Variants in ZFAND6 observed in about 807,000 individuals in gnomAD.
ZFAND6 encodes the protein AN1-type zinc finger protein 6.
Under a neutral mutation model 24.5 loss-of-function variants are expected in ZFAND6, and 12 were observed. The ratio of observed to expected loss-of-function variants is 0.49; its 90% CI spans 0.31 to 0.79. ZFAND6 has a LOEUF of 0.79. Among genes scored for constraint, ZFAND6 ranks in the 30% least tolerant of loss-of-function variants. The pLI is 0.04. For synonymous variants in ZFAND6, 92 were observed against 81.5 expected (o/e 1.13, Z -0.69); for missense variants, 207 against 245.9 (o/e 0.84, Z 1.06).
intron 2 of ZFAND6, among the ~76,000 whole-genome samples, chr15:80,105,109 T>C (rs2039250666): frequency 1.3e-5 from 2 of 152,220 alleles, no homozygotes; most frequent in South Asian, 4.1e-4. Context: ...TCCTGTAGTC[T>C]AGGCACACAG....
chr15:80,059,453 A>G (rs1448553959), upstream of ZFAND6: 1 of 152,232 alleles, frequency 6.6e-6, no homozygotes, highest in African/African-American at 2.4e-5. Context: ...GCGGAGGAGC[A>G]TCTCCTTTCG....
chr15:80,061,763 T>G (rs958818082), intron 1 of ZFAND6, among the ~76,000 whole-genome samples: 1 of 152,198 alleles, frequency 6.6e-6, no homozygotes, highest in Non-Finnish European at 1.5e-5. Context: ...ATTTCTTGTT[T>G]CCGGCTCTTG....
intron 1 of ZFAND6, among the ~76,000 whole-genome samples, chr15:80,085,219 G>A (rs1345976158): frequency 2.0e-5 from 3 of 152,022 alleles, no homozygotes; most frequent in Non-Finnish European, 4.4e-5. Context: ...TTTCTCCATC[G>A]TTCTTTCACG....
At position 80,132,284 on chromosome 15, in the gene ZFAND6, T is replaced by C. The variant is rs540017290; in HGVS notation, c.478+991T>C. On this transcript the variant is annotated intron_variant, in intron 6 of 6. Transcript: ENST00000261749. ...AATATATTTTTTTAATTAAGAAGAG[T>C]TAGGCATGTCTTGAATGTGTAAAAC... 2.6e-5 allele frequency among the ~76,000 whole-genome samples: 4 copies of C among 152,192 alleles called. No individual in the cohort carries two copies. In the South Asian group the frequency reaches 8.3e-4, roughly 32 times the overall value.
chr15:80,083,652 TA>T (rs1406347401), intron 1 of ZFAND6, among the ~76,000 whole-genome samples: 2 of 152,138 alleles, frequency 1.3e-5, no homozygotes, highest in African/African-American at 4.8e-5. Context: ...CTCATGCCTG[TA>T]ATCCCAGCAC....
chr15:80,110,972 C>A (rs1432573683), intron 2 of ZFAND6, among the ~76,000 whole-genome samples: 1 of 152,158 alleles, frequency 6.6e-6, no homozygotes, highest in Non-Finnish European at 1.5e-5. Flanking sequence ...ATGAAATGGT[C>A]TTCCTGCAAG....
At chr15:80,127,192 A>C (rs938584474) in intron 5 of ZFAND6, among the ~76,000 whole-genome samples, 9 of 152,190 alleles carry the variant, frequency 5.9e-5, no homozygotes, top group Non-Finnish European at 1.3e-4. Context: ...TATATAAATA[A>C]TTACAATTCA....
At chr15:80,134,018 A>T (rs1367558980) in intron 6 of ZFAND6, among the ~76,000 whole-genome samples, 1 of 136,016 alleles carries the variant, frequency 7.4e-6, no homozygotes, top group Non-Finnish European at 1.6e-5. Flanking sequence ...ATGGAGTTTC[A>T]CTCTTTTCGC....
intron 3 of ZFAND6, among the ~76,000 whole-genome samples, chr15:80,121,001 A>G (rs1490277473): frequency 6.6e-6 from 1 of 152,138 alleles, no homozygotes; most frequent in Non-Finnish European, 1.5e-5. Context: ...GTGTCAAAGG[A>G]TATTCTTGGA....
At chr15:80,061,766 G>A (rs1049542028) in intron 1 of ZFAND6, among the ~76,000 whole-genome samples, 37 of 151,866 alleles carry the variant, frequency 2.4e-4, no homozygotes, top group African/African-American at 9.0e-4. Context: ...TCTTGTTTCC[G>A]GCTCTTGGTA....
At chr15:80,061,126 C>T (rs975661396) in intron 1 of ZFAND6, among the ~76,000 whole-genome samples, 1 of 152,162 alleles carries the variant, frequency 6.6e-6, no homozygotes, top group Non-Finnish European at 1.5e-5. Context: ...AAATGTTTTG[C>T]AAAATATGCA....
intron 2 of ZFAND6, among the ~76,000 whole-genome samples, chr15:80,101,332 T>A (rs527590980): frequency 3.3e-5 from 5 of 152,008 alleles, no homozygotes; most frequent in Non-Finnish European, 5.9e-5. Flanking sequence ...GCATGGTGGC[T>A]GGCACTTGTC....
intron 1 of ZFAND6, among the ~76,000 whole-genome samples, chr15:80,064,577 TAC>T (rs1353107984): frequency 1.4e-5 from 2 of 147,710 alleles, no homozygotes; most frequent in East Asian, 3.9e-4. Context: ...AATATACATA[TAC>T]ACACAAATAT....
chr15:80,088,484 T>C (rs2038139656), intron 1 of ZFAND6, among the ~76,000 whole-genome samples: 1 of 152,168 alleles, frequency 6.6e-6, no homozygotes, highest in Admixed American at 6.5e-5. Context: ...GAGAATTGCT[T>C]GAACCCGGGA....
chr15:80,061,796 CTAGAG>C (rs1337754502), intron 1 of ZFAND6, among the ~76,000 whole-genome samples: 1 of 152,058 alleles, frequency 6.6e-6, no homozygotes, highest in Non-Finnish European at 1.5e-5. Flanking sequence ...AAGAATTTCT[CTAGAG>C]TAAATACTTA....
At chr15:80,093,273 C>A (rs572891388) in intron 1 of ZFAND6, among the ~76,000 whole-genome samples, 3 of 151,522 alleles carry the variant, frequency 2.0e-5, no homozygotes, top group African/African-American at 4.8e-5. Context: ...GCAGGACTTT[C>A]TTTTTTTTAA....
chr15:80,137,151 A>G (rs552423358), intron 6 of ZFAND6, among the ~76,000 whole-genome samples: 1 of 152,236 alleles, frequency 6.6e-6, no homozygotes, highest in Non-Finnish European at 1.5e-5. Context: ...CAGTAGGCTT[A>G]TTCTCACATC....
At chr15:80,069,914 T>C (rs980921668) in intron 1 of ZFAND6, among the ~76,000 whole-genome samples, 1 of 152,156 alleles carries the variant, frequency 6.6e-6, no homozygotes, top group African/African-American at 2.4e-5. Flanking sequence ...GGCCATATTT[T>C]TTTATTTTTT....
chr15:80,088,303 T>C (rs900606806), intron 1 of ZFAND6, among the ~76,000 whole-genome samples: 1 of 152,180 alleles, frequency 6.6e-6, no homozygotes. Context: ...ACAGTGTGGT[T>C]CATGCCTGTA....
Sources: gnomAD v4.1 joint callset for allele counts (sites outside exome capture counted in the v4.1 genomes callset) on GRCh38, gnomAD v4.1.1 for gene constraint, MANE v1.5 for transcripts, NCBI Gene and HGNC (gene_info 2026-07-23, HGNC 2026-07-21) for gene names.